ASIC1: variants seen among roughly 807,000 people sequenced by gnomAD.
ASIC1 encodes acid-sensing ion channel 1.
A neutral mutation model predicts 63.4 loss-of-function variants in ASIC1; 21 were observed. The ratio of observed to expected loss-of-function variants is 0.33; its 90% confidence interval spans 0.23 to 0.48. The LOEUF (loss-of-function observed/expected upper bound fraction) is 0.48. Among genes scored for constraint, ASIC1 ranks in the 20% least tolerant of loss-of-function variants. The pLI, the probability that ASIC1 is intolerant of heterozygous loss-of-function variation, is 0.99. For synonymous variants in ASIC1, 258 were observed against 278.2 expected, an observed-to-expected ratio of 0.93 and a Z score of 0.72; for missense variants, 478 against 695.5, an observed-to-expected ratio of 0.69 and a Z score of 3.52.
At chr12:50,073,675 C>T (rs1475227482) in intron 3 of ASIC1, 2 of 1,536,412 alleles carry the variant, frequency 1.3e-6, no homozygotes, top group Non-Finnish European at 1.7e-6. Context: ...CCACCACCAT[C>T]AGCAGCAGCA....
At position 50,077,322 on chromosome 12, in the gene ASIC1, A is replaced by G; in HGVS notation, c.668A>G (p.Asp223Gly). ...GTGNGLEIML[D>G]IQQDEYLPVW... ...GGCAATGGGCTGGAAATCATGCTGG[A>G]CATCCAGCAGGACGAGTACCTGCCT... The change falls in exon 4 of 12, where the codon GAC (aspartate) becomes GGC (glycine). Residue 223 changes from aspartate to glycine, a missense_variant. By Grantham distance (94) the Asp-to-Gly change is moderately conservative. This residue lies in a region of ASIC1 where 290 missense variants were observed against 414.9 expected (regional missense o/e 0.70). Transcript: ENST00000447966. 6.2e-7 allele frequency: 1 copy of G among 1,614,194 alleles called. No homozygotes were observed.
At chr12:50,060,614 A>G (rs890716662) in intron 3 of ASIC1, among the ~76,000 whole-genome samples, 1 of 152,240 alleles carries the variant, frequency 6.6e-6, no homozygotes. Flanking sequence ...AAGGAAGGCC[A>G]TCGGGACACC....
chr12:50,066,315 G>A (rs901782783), intron 3 of ASIC1, among the ~76,000 whole-genome samples: 3 of 152,086 alleles, frequency 2.0e-5, no homozygotes, highest in Admixed American at 6.6e-5. Context: ...TGACAGAGTG[G>A]GACCCTGACT....
Position 50,081,301 on chromosome 12 carries a change from G to A in ASIC1, c.1419G>A (p.Lys473=), listed in dbSNP as rs367820090. ...HKLCRRGKCQ[K]EAKRSSADKG... ...TGTGCCGACGAGGAAAATGCCAGAA[G>A]GAGGCCAAAAGGAGCAGTGCGGACA... The change falls in exon 11 of 12, where the codon AAG becomes AAA. Residue 473 remains lysine (K), a synonymous_variant. Coordinates refer to ENST00000447966, the MANE Select transcript of ASIC1 (RefSeq NM_001095.4). The A allele has an allele frequency of 1.2e-5, 20 of 1,610,992 alleles. No individual in the cohort carries two copies. In the African/African-American group the frequency reaches 2.5e-4, roughly 20 times the overall value.
intron 3 of ASIC1, among the ~76,000 whole-genome samples, chr12:50,069,240 CTTTATTTATTTTTTATTTTA>C: frequency 6.7e-6 from 1 of 148,914 alleles, no homozygotes; most frequent in Non-Finnish European, 1.5e-5. Flanking sequence ...AATTACTCCT[CTTTATTTATTTTTTATTTTA>C]TTTATTTATT....
rs1275676158 is a variant in ASIC1, at chr12:50,057,866, C to T, written c.-67C>T. The stretch of plus-strand genomic sequence containing the variant: ...ACTCGGCGCTGAGCCCGCCACCGGT[C>T]CAGCGCCCCAGGACCCGCCGCCGGC... On this transcript the variant is annotated 5_prime_UTR_variant, in exon 1 of 12. Transcript: ENST00000447966. The surrounding 1 kb of genome is among the most constrained non-coding windows in gnomAD (Gnocchi z 4.7). 2 of 151,730 alleles carry T rather than the reference C, an allele frequency of 1.3e-5. No individual in the cohort carries two copies. Among genetic ancestry groups the T allele is most frequent in the Non-Finnish European group, 1.5e-5 (1 of 67,928 alleles). 9.4% of individuals were successfully genotyped at this position (151,730 alleles called of 1,614,324 possible). A position where few individuals can be genotyped will look rare whatever the true frequency, so the allele number is the denominator to read the frequency against.
At chr12:50,069,178 G>A (rs79374464) in intron 3 of ASIC1, among the ~76,000 whole-genome samples, 1,899 of 150,080 alleles carry the variant, frequency 0.013, 35 homozygotes, top group African/African-American at 0.044. Context: ...AGCGGTAAGC[G>A]CTAGTGCGCA....
rs1490696600 is a variant in ASIC1, at chr12:50,078,006, C to T, written c.716C>T (p.Thr239Met). 6 of 1,611,630 alleles carry T rather than the reference C, an allele frequency of 3.7e-6. No individual in the cohort carries two copies. In the Admixed American group the frequency reaches 5.0e-5, roughly 13 times the overall value. The change falls in exon 5 of 12, where the codon ACG (threonine) becomes ATG (methionine). Residue 239 changes from threonine (T) to methionine (M), a missense_variant. Thr to Met is a moderately conservative substitution (Grantham distance 81). Transcript: ENST00000447966. The surrounding 1 kb of genome is among the most constrained non-coding windows in gnomAD (Gnocchi z 6.0). The stretch of plus-strand genomic sequence containing the variant: ...ACACTCCTCATTCCCCTAGACGAGA[C>T]GTCCTTCGAAGCAGGCATCAAAGTG... ...YLPVWGETDE[T>M]SFEAGIKVQI...
At chr12:50,065,714 A>G (rs959429731) in intron 3 of ASIC1, among the ~76,000 whole-genome samples, 2 of 152,214 alleles carry the variant, frequency 1.3e-5, no homozygotes, top group Non-Finnish European at 2.9e-5. Context: ...TCTTTCTGAG[A>G]TCCCATGAGT....
At chr12:50,076,771 G>C in intron 3 of ASIC1, 1 of 354,124 alleles carries the variant, frequency 2.8e-6, no homozygotes, top group Non-Finnish European at 5.6e-6. Context: ...CTAGGAAATC[G>C]TTATCACTTC....
At chr12:50,080,818 A>C in intron 9 of ASIC1, 1 of 1,178,740 alleles carries the variant, frequency 8.5e-7, no homozygotes, top group Non-Finnish European at 1.2e-6. Flanking sequence ...AGGGGTAGGC[A>C]TGGAAGTGGA....
At chr12:50,073,517 C>T (rs543978122) in intron 3 of ASIC1, 30 of 1,442,900 alleles carry the variant, frequency 2.1e-5, no homozygotes, top group South Asian at 8.8e-5. Context: ...GGAGTCACAT[C>T]GCCTTCCCCT....
At position 50,078,954 on chromosome 12, in the gene ASIC1, A is replaced by G; in HGVS notation, c.1025A>G (p.Tyr342Cys). The change falls in exon 7 of 12, where the codon TAC becomes TGC. Residue 342 changes from tyrosine (Y) to cysteine (C), a missense_variant. Physicochemically the swap from Tyr to Cys is radical, Grantham distance 194. Coordinates refer to ENST00000447966, the MANE Select transcript of ASIC1 (RefSeq NM_001095.4). This position sits in a 1 kb window ranked among gnomAD's most constrained non-coding sequence, Gnocchi z 6.0. ...GDAPYCTPEQ[Y>C]KECADPALDF... ...GCCCCATACTGTACTCCAGAGCAGT[A>G]CAAGGAGTGTGCAGATCCTGCTCTG... 6.2e-7 allele frequency: 1 copy of G among 1,614,014 alleles called. No individual in the cohort carries two copies. The highest frequency in any genetic ancestry group is 2.2e-5 in the East Asian group (1 of 44,870).
chr12:50,071,500 T>C (rs1186852639), intron 3 of ASIC1, among the ~76,000 whole-genome samples: 1 of 151,792 alleles, frequency 6.6e-6, no homozygotes, highest in Non-Finnish European at 1.5e-5. Context: ...GCCAGGATGG[T>C]CTCGATCTCC....
chr12:50,068,730 C>T (rs1950569631), intron 3 of ASIC1, among the ~76,000 whole-genome samples: 1 of 151,556 alleles, frequency 6.6e-6, no homozygotes, highest in African/African-American at 2.4e-5. Flanking sequence ...TAGTGAGCCA[C>T]CCACTGTTCA....
In ASIC1 at chr12:50,074,860, C is replaced by CTGTGTGTGTGTGTGTGTGTG. The variant is rs376276861; in HGVS notation, c.559-2325_559-2306dup. ...TATGGACGCCCCACCCCCACCAGCT[C>CTGTGTGTGTGTGTGTGTGTG]TGTGTGTGTGTGTGTGTGTGTGTGT... On this transcript the variant is annotated intron_variant, in intron 3 of 11. Transcript: ENST00000447966. This position sits in a 1 kb window ranked among gnomAD's most constrained non-coding sequence, Gnocchi z 4.2. 9.9e-5 allele frequency among the ~76,000 whole-genome samples: 14 copies of CTGTGTGTGTGTGTGTGTGTG among 141,514 alleles called. No individual in the cohort carries two copies. Among genetic ancestry groups the CTGTGTGTGTGTGTGTGTGTG allele is most frequent in the Admixed American group, 5.6e-4 (8 of 14,376 alleles). 92.8% of individuals were successfully genotyped at this position (141,514 alleles called of 152,430 possible).
chr12:50,076,892 G>A (rs1344552716), intron 3 of ASIC1: 1 of 504,594 alleles, frequency 2.0e-6, no homozygotes, highest in Non-Finnish European at 3.9e-6. Context: ...GAGGGCTGGG[G>A]AAGGATTCAT....
Position 50,078,907 on chromosome 12 carries a change from T to C in ASIC1, c.995-17T>C. 6.2e-7 allele frequency: 1 copy of C among 1,613,036 alleles called. No homozygotes were observed. Among genetic ancestry groups the C allele is most frequent in the Non-Finnish European group, 8.5e-7 (1 of 1,179,022 alleles). On this transcript the variant is annotated splice_polypyrimidine_tract_variant and intron_variant, in intron 6 of 11. Transcript: ENST00000447966. The surrounding 1 kb of genome is among the most constrained non-coding windows in gnomAD (Gnocchi z 6.0). ...CTTGAATTCCCATCCTGCATCATTG[T>C]CTTTTCTCCTCTGTAGGGGATGCCC...
chr12:50,080,106 T>A (rs1414054916), intron 8 of ASIC1, 51 bp downstream of exon 8: 1 of 1,550,474 alleles, frequency 6.4e-7, no homozygotes, highest in Admixed American at 2.0e-5. Context: ...GACTGTGGAA[T>A]GGATGAGTGG....
Sources: gnomAD v4.1 joint callset for allele counts (sites outside exome capture counted in the v4.1 genomes callset) on GRCh38, gnomAD v4.1.1 for gene constraint, gnomAD v4.1.1 regional missense constraint, Gnocchi (gnomAD v3.1) non-coding constraint, MANE v1.5 for transcripts, NCBI Gene and HGNC (gene_info 2026-07-23, HGNC 2026-07-21) for gene names.